Variants in NTAQ1 observed in about 807,000 individuals in gnomAD.
NTAQ1 encodes protein N-terminal glutamine amidohydrolase.
NTAQ1 carries 21 observed loss-of-function variants against 28.2 expected under a neutral mutation model. The observed-to-expected ratio is 0.74, with a 90% CI of 0.53 to 1.07. The LOEUF is 1.07. Among genes scored for constraint, NTAQ1 ranks in the 50% least tolerant of loss-of-function variants. The probability of loss-of-function intolerance (pLI) is 0.00; values close to 1 mark genes in which losing one functional copy is unlikely to be tolerated. For synonymous variants in NTAQ1, 105 were observed against 90.0 expected, an observed-to-expected ratio of 1.17 and a Z score of -0.94; for missense variants, 264 against 256.6, an observed-to-expected ratio of 1.03 and a Z score of -0.20.
intron 6 of NTAQ1, among the ~76,000 whole-genome samples, chr8:123,456,519 A>C (rs1815654433): frequency 1.3e-5 from 2 of 152,244 alleles, no homozygotes; most frequent in South Asian, 4.1e-4. Flanking sequence ...AATTCCTGTC[A>C]GTTCTGAGCA....
downstream of NTAQ1, among the ~76,000 whole-genome samples, chr8:123,471,252 A>G (rs1324974803): frequency 6.6e-6 from 1 of 152,074 alleles, no homozygotes; most frequent in Non-Finnish European, 1.5e-5. Context: ...TTATAAGGAC[A>G]TCAGTCATAC....
chr8:123,435,411 T>G (rs758581803), intron 3 of NTAQ1: 2 of 956,510 alleles, frequency 2.1e-6, no homozygotes, highest in Non-Finnish European at 2.5e-6. Flanking sequence ...GGTTCCAAAC[T>G]AGAAATTAAA....
At chr8:123,436,334 C>G (rs963685131) in intron 3 of NTAQ1, 119 bp from the exon 4 acceptor site, 11 of 835,334 alleles carry the variant, frequency 1.3e-5, no homozygotes, top group Non-Finnish European at 2.0e-5. Context: ...TTCTATTTTG[C>G]TATTATAAGG....
intron 1 of NTAQ1, among the ~76,000 whole-genome samples, chr8:123,426,837 G>A (rs1814088490): frequency 6.6e-6 from 1 of 152,104 alleles, no homozygotes. Flanking sequence ...CTGCACGCCT[G>A]TAATCCCAGC....
intron 6 of NTAQ1, among the ~76,000 whole-genome samples, chr8:123,462,800 A>G (rs1400532006): frequency 6.6e-6 from 1 of 152,176 alleles, no homozygotes; most frequent in Non-Finnish European, 1.5e-5. Flanking sequence ...CATGCCCCCA[A>G]TTCACCAGAA....
chr8:123,464,289 C>T (rs1438976036), intron 6 of NTAQ1, among the ~76,000 whole-genome samples: 1 of 152,100 alleles, frequency 6.6e-6, no homozygotes, highest in Non-Finnish European at 1.5e-5. Context: ...GATGTGATCA[C>T]GGTAACTCCC....
At chr8:123,463,096 TTCTC>T (rs952821792) in intron 6 of NTAQ1, among the ~76,000 whole-genome samples, 1 of 152,204 alleles carries the variant, frequency 6.6e-6, no homozygotes, top group Non-Finnish European at 1.5e-5. Context: ...CACTTTTTCT[TTCTC>T]TCTTTCTCAC....
rs376611592 is a variant in NTAQ1, at chr8:123,433,300, A to G, written c.235-3153A>G. On this transcript the variant is annotated intron_variant, in intron 3 of 5. Transcript: ENST00000287387. ...AGAGAGTTGTGAATAGTCATTATGT[A>G]TGCCTTTTCACAAGTTGTACCTTCT... 2.0e-4 allele frequency among the ~76,000 whole-genome samples: 30 copies of G among 152,306 alleles called. No individual in the cohort carries two copies. In the South Asian group the frequency reaches 6.0e-3, roughly 30 times the overall value.
chr8:123,446,698 C>T (rs915960058), downstream of NTAQ1, among the ~76,000 whole-genome samples: 4 of 152,216 alleles, frequency 2.6e-5, no homozygotes, highest in African/African-American at 9.7e-5. Flanking sequence ...ATCTTCAAAG[C>T]AGAGACCAAG....
chr8:123,422,665 A>G (rs546495423), intron 1 of NTAQ1, among the ~76,000 whole-genome samples: 25 of 148,476 alleles, frequency 1.7e-4, no homozygotes, highest in African/African-American at 6.3e-4. Context: ...TCACTTGTCA[A>G]TTTTTGTTTT....
At chr8:123,452,085 C>T (rs553474674), downstream of NTAQ1, among the ~76,000 whole-genome samples, 1 of 152,334 alleles carries the variant, frequency 6.6e-6, no homozygotes, top group East Asian at 1.9e-4. Flanking sequence ...GCACCTCATT[C>T]CAGCCTCTTG....
downstream of NTAQ1, among the ~76,000 whole-genome samples, chr8:123,446,562 C>T (rs1307553264): frequency 6.6e-6 from 1 of 151,904 alleles, no homozygotes; most frequent in Non-Finnish European, 1.5e-5. Context: ...TCTTTCTTCT[C>T]TCTTCTTTCT....
intron 6 of NTAQ1, among the ~76,000 whole-genome samples, chr8:123,447,325 A>G (rs1234421993): frequency 6.7e-6 from 1 of 148,476 alleles, no homozygotes; most frequent in Non-Finnish European, 1.5e-5. Context: ...TTTTATTTAT[A>G]ATTAATATAT....
chr8:123,435,096 A>G (rs1814622929), intron 3 of NTAQ1, among the ~76,000 whole-genome samples: 1 of 152,204 alleles, frequency 6.6e-6, no homozygotes, highest in African/African-American at 2.4e-5. Flanking sequence ...AGTTGGTATT[A>G]CTAATGTTGC....
chr8:123,441,474 T>G lies in NTAQ1; in HGVS notation c.*59T>G, dbSNP rs1224491993. 3.0e-6 allele frequency: 4 copies of G among 1,345,646 alleles called. No homozygotes were observed. The African/African-American group carries it at 5.8e-5, about 20-fold the overall frequency. The allele number at this position is 1,345,646 out of a possible 1,614,324, so 83.4% of individuals were successfully genotyped here. Reference sequence around the variant, plus strand: ...TCTAGGACATGAACAAGCTATCCTTTCATCGAGGACAGCAAACATTATGGT... The same window carrying G: ...TCTAGGACATGAACAAGCTATCCTTGCATCGAGGACAGCAAACATTATGGT... On this transcript the variant is annotated 3_prime_UTR_variant, in exon 6 of 6. Transcript: ENST00000287387.
chr8:123,418,320 G>A (rs993279467), intron 1 of NTAQ1, among the ~76,000 whole-genome samples: 1 of 151,942 alleles, frequency 6.6e-6, no homozygotes, highest in Non-Finnish European at 1.5e-5. Flanking sequence ...GTGTGGTGGC[G>A]TGCACCTGTA....
intron 1 of NTAQ1, among the ~76,000 whole-genome samples, chr8:123,423,310 C>T (rs911794211): frequency 5.4e-4 from 13 of 24,080 alleles, no homozygotes; most frequent in Non-Finnish European, 1.0e-3. Flanking sequence ...GTTTTCTCTT[C>T]TCTTCTTTTT....
rs762479894 is a variant in NTAQ1 at position 123,419,081 on chromosome 8, GTTTTTTTT to G, written c.83+2177_83+2184del. ...TACTTTGGCTCCTGCAGCTTTGGGG[GTTTTTTTT>G]TTTTTTTTTTTTTTTTTTTTTTTTT... On this transcript the variant is annotated intron_variant, in intron 1 of 5. Transcript: ENST00000287387. Among the ~76,000 whole-genome samples the G allele has an allele frequency of 1.1e-4, 13 of 119,932 alleles. 1 individual carries two copies. Among genetic ancestry groups the G allele is most frequent in the African/African-American group, 3.7e-4 (11 of 29,556 alleles). The allele number at this position is 119,932 out of a possible 152,430, so 78.7% of individuals were successfully genotyped here. A position where few individuals can be genotyped will look rare whatever the true frequency, so the allele number is the denominator to read the frequency against.
At chr8:123,449,770 C>T (rs530917441), downstream of NTAQ1, among the ~76,000 whole-genome samples, 1 of 149,126 alleles carries the variant, frequency 6.7e-6, no homozygotes, top group Admixed American at 6.8e-5. Context: ...AGTTGGTAGC[C>T]GGGTGTGGTA....
Sources: allele counts gnomAD v4.1 joint callset (sites outside exome capture counted in the v4.1 genomes callset), GRCh38; gene constraint gnomAD v4.1.1; transcripts MANE v1.5; gene names NCBI Gene and HGNC (gene_info 2026-07-23, HGNC 2026-07-21).